The following CACNA2D3 variants were observed in gnomAD, a reference collection of about 807,000 sequenced individuals.
CACNA2D3 encodes calcium voltage-gated channel auxiliary subunit alpha2delta 3.
In CACNA2D3, 60 loss-of-function variants were observed where a neutral mutation model predicts 160.6. That is an observed-to-expected ratio of 0.37 (90% CI 0.30 to 0.46). The LOEUF (loss-of-function observed/expected upper bound fraction) is 0.46, where lower values mean the gene tolerates loss of function less well. Among genes scored for constraint, CACNA2D3 ranks in the 20% least tolerant of loss-of-function variants. The probability of loss-of-function intolerance (pLI) is 1.00; values close to 1 mark genes in which losing one functional copy is unlikely to be tolerated. For synonymous variants in CACNA2D3, 558 were observed against 492.9 expected, an observed-to-expected ratio of 1.13 and a Z score of -1.75; for missense variants, 1,205 against 1,365.0, an observed-to-expected ratio of 0.88 and a Z score of 1.85.
intron 13 of CACNA2D3, among the ~76,000 whole-genome samples, chr3:54,807,745 C>G (rs2106689728): frequency 6.6e-6 from 1 of 152,118 alleles, no homozygotes; most frequent in South Asian, 2.1e-4. Flanking sequence ...GCTATAAAGA[C>G]ACATGCACAC....
intron 2 of CACNA2D3, among the ~76,000 whole-genome samples, chr3:54,257,489 T>C (rs1702318977): frequency 6.6e-6 from 1 of 151,640 alleles, no homozygotes; most frequent in South Asian, 2.1e-4. Flanking sequence ...CCACCAGCTA[T>C]TTTTTTTTCC....
intron 4 of CACNA2D3, among the ~76,000 whole-genome samples, chr3:54,430,041 A>C (rs980984910): frequency 2.6e-5 from 4 of 152,210 alleles, no homozygotes; most frequent in Non-Finnish European, 4.4e-5. Context: ...ATTGGAAAAA[A>C]TGCAGCATCA....
intron 13 of CACNA2D3, 90 bp from the exon 14 acceptor site, chr3:54,816,763 C>T (rs1703467265): frequency 1.3e-6 from 2 of 1,488,772 alleles, no homozygotes; most frequent in South Asian, 1.2e-5. Context: ...TCTCCATTTG[C>T]AAATGGCAAG....
chr3:55,003,805 A>G (rs1575431064), intron 31 of CACNA2D3, among the ~76,000 whole-genome samples: 1 of 152,160 alleles, frequency 6.6e-6, no homozygotes, highest in East Asian at 1.9e-4. Context: ...TCTCTGGTGA[A>G]TGAAATGTCA....
At chr3:54,461,882 T>G (rs1700512090) in intron 4 of CACNA2D3, among the ~76,000 whole-genome samples, 1 of 152,256 alleles carries the variant, frequency 6.6e-6, no homozygotes, top group Admixed American at 6.5e-5. Flanking sequence ...GTGTCAATTT[T>G]GGATCCTTCC....
chr3:54,920,542 T>C (rs1363055218), intron 27 of CACNA2D3, among the ~76,000 whole-genome samples: 1 of 152,064 alleles, frequency 6.6e-6, no homozygotes. Context: ...AGGCCAGAGG[T>C]TCAGAGCAGC....
chr3:54,764,810 A>T (rs957313290), intron 13 of CACNA2D3, among the ~76,000 whole-genome samples: 3 of 152,184 alleles, frequency 2.0e-5, no homozygotes, highest in African/African-American at 7.2e-5. Flanking sequence ...CTTCCCATGC[A>T]TAAGTGAGAA....
chr3:54,440,282 C>G (rs964563056), intron 4 of CACNA2D3, among the ~76,000 whole-genome samples: 2 of 152,190 alleles, frequency 1.3e-5, no homozygotes, highest in African/African-American at 4.8e-5. Context: ...GGGATATAAG[C>G]AGTAGTAGTT....
intron 2 of CACNA2D3, among the ~76,000 whole-genome samples, chr3:54,202,642 A>G (rs1701200256): frequency 6.6e-6 from 1 of 152,198 alleles, no homozygotes. Flanking sequence ...GCATGGATTC[A>G]TTTTGGTTGA....
At chr3:54,591,686 T>C (rs1702863537) in intron 9 of CACNA2D3, among the ~76,000 whole-genome samples, 1 of 150,054 alleles carries the variant, frequency 6.7e-6, no homozygotes, top group African/African-American at 2.5e-5. Flanking sequence ...GTGGGTGAAA[T>C]TATCTGAGTC....
In CACNA2D3 at chr3:54,885,345, C is replaced by T. The variant is rs763628894; in HGVS notation, c.1958+19C>T. On this transcript the variant is annotated intron_variant, in intron 22 of 37. Coordinates refer to ENST00000474759, the MANE Select transcript of CACNA2D3 (RefSeq NM_018398.3). Reference sequence around the variant, plus strand: ...ATGAATGGTAAGAATTAAACCATCCCTCCTTGACCATGGCATCCTTCATTG... The same window carrying T: ...ATGAATGGTAAGAATTAAACCATCCTTCCTTGACCATGGCATCCTTCATTG... 6.2e-7 allele frequency: 1 copy of T among 1,613,622 alleles called. No homozygotes were observed. Among genetic ancestry groups the T allele is most frequent in the Non-Finnish European group, 8.5e-7 (1 of 1,179,662 alleles).
chr3:54,655,645 A>G (rs1439892967), intron 11 of CACNA2D3, among the ~76,000 whole-genome samples: 1 of 152,202 alleles, frequency 6.6e-6, no homozygotes, highest in Non-Finnish European at 1.5e-5. Context: ...ATATATGTGC[A>G]TTATCCATTT....
intron 2 of CACNA2D3, among the ~76,000 whole-genome samples, chr3:54,301,744 A>G (rs1703481755): frequency 1.3e-5 from 2 of 152,124 alleles, no homozygotes; most frequent in South Asian, 2.1e-4. Context: ...GCGCACACAC[A>G]CACATAACAA....
intron 4 of CACNA2D3, among the ~76,000 whole-genome samples, chr3:54,408,239 AAAT>A (rs1448396745): frequency 6.6e-6 from 1 of 152,174 alleles, no homozygotes; most frequent in Admixed American, 6.5e-5. Context: ...ACCTTGGAGA[AAAT>A]CCCCAAAGGT....
At chr3:54,566,633 A>G (rs1431925625) in intron 6 of CACNA2D3, among the ~76,000 whole-genome samples, 1 of 152,154 alleles carries the variant, frequency 6.6e-6, no homozygotes, top group Middle Eastern at 3.2e-3. Context: ...CTAATCAAAC[A>G]CAGGACATCA....
intron 2 of CACNA2D3, among the ~76,000 whole-genome samples, chr3:54,289,451 A>G (rs1211244403): frequency 1.3e-5 from 2 of 152,276 alleles, no homozygotes; most frequent in African/African-American, 4.8e-5. Context: ...ATGGGTAGGA[A>G]GAATCAATAT....
At chr3:54,169,580 A>G (rs911590695) in intron 2 of CACNA2D3, among the ~76,000 whole-genome samples, 1 of 152,238 alleles carries the variant, frequency 6.6e-6, no homozygotes, top group African/African-American at 2.4e-5. Flanking sequence ...TAAATAAATA[A>G]AAATTAAATG....
chr3:54,193,121 C>A (rs1246943563), intron 2 of CACNA2D3, among the ~76,000 whole-genome samples: 2 of 152,178 alleles, frequency 1.3e-5, no homozygotes, highest in Admixed American at 1.3e-4. Context: ...TGTTATCGAA[C>A]CCCTTTTACA....
intron 27 of CACNA2D3, among the ~76,000 whole-genome samples, chr3:54,938,622 C>G (rs1418041914): frequency 6.6e-6 from 1 of 151,694 alleles, no homozygotes; most frequent in Non-Finnish European, 1.5e-5. Flanking sequence ...CTTAGTTACC[C>G]CCACCCCCAA....
Sources: allele counts gnomAD v4.1 joint callset (sites outside exome capture counted in the v4.1 genomes callset), GRCh38; gene constraint gnomAD v4.1.1; transcripts MANE v1.5; gene names NCBI Gene and HGNC (gene_info 2026-07-23, HGNC 2026-07-21).